NHSL1: variants seen among roughly 807,000 people sequenced by gnomAD.
NHSL1 encodes NHS-like protein 1.
NHSL1 carries 48 observed loss-of-function variants against 95.0 expected under a neutral mutation model. The observed-to-expected ratio is 0.51, with a 90% CI of 0.40 to 0.64. The LOEUF (loss-of-function observed/expected upper bound fraction) is 0.64, where lower values mean the gene tolerates loss of function less well. Among genes scored for constraint, NHSL1 ranks in the 30% least tolerant of loss-of-function variants. NHSL1 has a pLI of 0.00. For synonymous variants in NHSL1, 783 were observed against 833.9 expected (o/e 0.94, Z 1.05); for missense variants, 1,971 against 2,077.7 (o/e 0.95, Z 1.00).
At chr6:138,677,791 T>C (rs1785466515) in intron 1 of NHSL1, among the ~76,000 whole-genome samples, 1 of 152,192 alleles carries the variant, frequency 6.6e-6, no homozygotes, top group African/African-American at 2.4e-5. Flanking sequence ...GAGGACTCTT[T>C]AGGTCACGTC....
At chr6:138,502,104 G>A (rs1780714685), upstream of NHSL1, among the ~76,000 whole-genome samples, 1 of 152,004 alleles carries the variant, frequency 6.6e-6, no homozygotes, top group South Asian at 2.1e-4. Flanking sequence ...TTCCATCCCG[G>A]CATCCTAGGA....
intron 2 of NHSL1, among the ~76,000 whole-genome samples, chr6:138,473,747 T>C (rs1562306844): frequency 6.6e-6 from 1 of 152,106 alleles, no homozygotes; most frequent in African/African-American, 2.4e-5. Flanking sequence ...AGGGTAATTA[T>C]ATTATTTGCT....
chr6:138,450,963 C>T (rs1372783347), intron 3 of NHSL1, among the ~76,000 whole-genome samples: 3 of 152,214 alleles, frequency 2.0e-5, no homozygotes, highest in Non-Finnish European at 4.4e-5. Flanking sequence ...ACTACCCCCA[C>T]TTTTCTGCCC....
chr6:138,687,352 G>A (rs934901698), intron 1 of NHSL1, among the ~76,000 whole-genome samples: 5 of 151,938 alleles, frequency 3.3e-5, no homozygotes, highest in East Asian at 1.9e-4. Flanking sequence ...AGTGCCTTGC[G>A]TTCTGAGGAA....
chr6:138,431,237 C>T lies in NHSL1; in HGVS notation c.3108G>A (p.Pro1036=), dbSNP rs555302858. ...LDPKFMKDTR[P]PFTNSGQPES... ...CTGGCTGGCCAGAATTTGTGAAAGG[C>T]GGCCTGGTGTCTTTCATGAATTTGG... The change falls in exon 6 of 8, where the codon CCG becomes CCA. Residue 1036 remains proline, a synonymous_variant. Transcript: ENST00000343505. The surrounding 1 kb of genome is among the most constrained non-coding windows in gnomAD (Gnocchi z 4.0). 15 of 1,518,602 alleles carry T rather than the reference C, an allele frequency of 9.9e-6. No homozygotes were observed. The highest frequency in any genetic ancestry group is 3.8e-5 in the South Asian group (3 of 78,752). 94.1% of individuals were successfully genotyped at this position (1,518,602 alleles called of 1,614,324 possible).
chr6:138,676,498 T>A (rs1196903352), intron 1 of NHSL1, among the ~76,000 whole-genome samples: 1 of 152,202 alleles, frequency 6.6e-6, no homozygotes, highest in Non-Finnish European at 1.5e-5. Flanking sequence ...CTGTTCTATA[T>A]CTCATTTTAT....
intron 1 of NHSL1, among the ~76,000 whole-genome samples, chr6:138,578,124 G>C (rs1234921743): frequency 6.6e-6 from 1 of 152,204 alleles, no homozygotes; most frequent in Non-Finnish European, 1.5e-5. Flanking sequence ...AAAAGCCACA[G>C]TGCCTTCAAC....
intron 1 of NHSL1, among the ~76,000 whole-genome samples, chr6:138,686,555 C>T (rs889405996): frequency 1.3e-5 from 2 of 152,072 alleles, no homozygotes; most frequent in African/African-American, 4.8e-5. Context: ...TTTATTTTGT[C>T]AAAATAAATT....
At chr6:138,504,278 C>T (rs115759765), upstream of NHSL1, among the ~76,000 whole-genome samples, 373 of 152,200 alleles carry the variant, frequency 2.5e-3, no homozygotes, top group African/African-American at 8.6e-3. Flanking sequence ...AGAACGTATT[C>T]GCTGCCTTGT....
At chr6:138,641,438 A>G (rs1248766235) in intron 1 of NHSL1, among the ~76,000 whole-genome samples, 2 of 152,162 alleles carry the variant, frequency 1.3e-5, no homozygotes. Flanking sequence ...TGTGAAACGT[A>G]CAGTGTTGGT....
chr6:138,679,054 A>G (rs1785481716), intron 1 of NHSL1, among the ~76,000 whole-genome samples: 1 of 152,212 alleles, frequency 6.6e-6, no homozygotes, highest in Non-Finnish European at 1.5e-5. Context: ...AACATTTAGA[A>G]TAAGAGGAGC....
chr6:138,490,964 T>C (rs139773967), intron 2 of NHSL1, among the ~76,000 whole-genome samples: 1,639 of 152,358 alleles, frequency 0.011, 23 homozygotes, highest in African/African-American at 0.028. Context: ...AACAGGTCGA[T>C]GTGTGCACCA....
chr6:138,510,424 C>T (rs1226847791), intron 1 of NHSL1, among the ~76,000 whole-genome samples: 1 of 152,166 alleles, frequency 6.6e-6, no homozygotes. Flanking sequence ...AAAGGTTAAC[C>T]TAAATGAGGA....
intron 1 of NHSL1, among the ~76,000 whole-genome samples, chr6:138,561,933 A>G (rs928232171): frequency 1.3e-5 from 2 of 152,224 alleles, no homozygotes; most frequent in Admixed American, 6.5e-5. Flanking sequence ...AAGTAAATAA[A>G]TGTTAGTTTA....
chr6:138,472,991 C>T (rs934709837), intron 3 of NHSL1, among the ~76,000 whole-genome samples: 1 of 152,152 alleles, frequency 6.6e-6, no homozygotes, highest in East Asian at 1.9e-4. Context: ...ATTTGAGATG[C>T]ACAAATACAC....
At chr6:138,638,649 G>A (rs541616876) in intron 1 of NHSL1, among the ~76,000 whole-genome samples, 16 of 152,242 alleles carry the variant, frequency 1.1e-4, no homozygotes, top group African/African-American at 3.6e-4. Flanking sequence ...TGAAAGCTTC[G>A]ATTATTCAAC....
At chr6:138,609,068 G>C (rs1784473330) in intron 1 of NHSL1, among the ~76,000 whole-genome samples, 1 of 152,140 alleles carries the variant, frequency 6.6e-6, no homozygotes, top group Admixed American at 6.5e-5. Flanking sequence ...CCTATGTAAA[G>C]GGTCCACGAT....
At chr6:138,505,014 A>G (rs1442646922) in intron 1 of NHSL1, among the ~76,000 whole-genome samples, 1 of 152,198 alleles carries the variant, frequency 6.6e-6, no homozygotes, top group Non-Finnish European at 1.5e-5. Flanking sequence ...ATCTTAAAGT[A>G]CACCCTCATT....
chr6:138,464,266 C>G (rs778251111), intron 3 of NHSL1: 4 of 808,832 alleles, frequency 4.9e-6, no homozygotes, highest in African/African-American at 1.7e-5. Context: ...TCTCTGCCCA[C>G]TTCCTGCTTT....
Sources: allele counts gnomAD v4.1 joint callset (sites outside exome capture counted in the v4.1 genomes callset), GRCh38; gene constraint gnomAD v4.1.1; non-coding constraint Gnocchi (gnomAD v3.1); transcripts MANE v1.5; gene names NCBI Gene and HGNC (gene_info 2026-07-23, HGNC 2026-07-21).